The following ROBO2 variants were observed in gnomAD, a reference collection of about 807,000 sequenced individuals.
ROBO2 encodes the protein roundabout homolog 2.
Under a neutral mutation model 160.8 loss-of-function variants are expected in ROBO2, and 53 were observed. The ratio of observed to expected loss-of-function variants is 0.33; its 90% CI spans 0.26 to 0.41. ROBO2 has a LOEUF of 0.41. Among genes scored for constraint, ROBO2 ranks in the 10% least tolerant of loss-of-function variants. ROBO2 has a pLI of 1.00. For synonymous variants in ROBO2, 664 were observed against 611.7 expected, an observed-to-expected ratio of 1.09 and a Z score of -1.26; for missense variants, 1,577 against 1,722.4, an observed-to-expected ratio of 0.92 and a Z score of 1.49.
intron 19 of ROBO2, among the ~76,000 whole-genome samples, chr3:77,601,234 C>T (rs1040476853): frequency 6.6e-6 from 1 of 151,984 alleles, no homozygotes; most frequent in Non-Finnish European, 1.5e-5. Context: ...ATTTGATGGC[C>T]TCAAGTCCCA....
chr3:76,463,146 C>A (rs968241780), intron 2 of ROBO2, among the ~76,000 whole-genome samples: 1 of 152,080 alleles, frequency 6.6e-6, no homozygotes, highest in Non-Finnish European at 1.5e-5. Flanking sequence ...GTGAAAGCAC[C>A]TGAGGCTCAA....
chr3:77,113,547 A>G (rs1209485059), intron 2 of ROBO2, among the ~76,000 whole-genome samples: 1 of 152,160 alleles, frequency 6.6e-6, no homozygotes, highest in Non-Finnish European at 1.5e-5. Context: ...AAGCTTTACT[A>G]ATGAAGTACC....
At chr3:77,421,204 A>G (rs1024832518) in intron 2 of ROBO2, among the ~76,000 whole-genome samples, 1 of 152,186 alleles carries the variant, frequency 6.6e-6, no homozygotes, top group African/African-American at 2.4e-5. Flanking sequence ...GTGTCTGGAA[A>G]TGTCACAGGA....
intron 2 of ROBO2, among the ~76,000 whole-genome samples, chr3:76,663,759 G>A (rs2091915900): frequency 6.6e-6 from 1 of 152,032 alleles, no homozygotes; most frequent in Admixed American, 6.6e-5. Flanking sequence ...ATTGCAGTTT[G>A]AGTTAAGACA....
At chr3:76,908,820 T>C (rs1415225251) in intron 2 of ROBO2, among the ~76,000 whole-genome samples, 1 of 152,230 alleles carries the variant, frequency 6.6e-6, no homozygotes, top group Non-Finnish European at 1.5e-5. Context: ...GAATTATAAC[T>C]TTCAAAGTAG....
At chr3:76,029,231 A>C (rs2066839591) in intron 2 of ROBO2, among the ~76,000 whole-genome samples, 1 of 152,098 alleles carries the variant, frequency 6.6e-6, no homozygotes, top group Non-Finnish European at 1.5e-5. Context: ...GGAAGTTAAC[A>C]TGAAAAATTA....
At chr3:76,278,451 A>G (rs1394191252) in intron 2 of ROBO2, among the ~76,000 whole-genome samples, 3 of 152,022 alleles carry the variant, frequency 2.0e-5, no homozygotes, top group Non-Finnish European at 4.4e-5. Flanking sequence ...TGTTTCTGAA[A>G]CAAAATTTCA....
chr3:76,037,546 A>G (rs567336327), intron 2 of ROBO2, among the ~76,000 whole-genome samples: 7 of 151,892 alleles, frequency 4.6e-5, no homozygotes, highest in South Asian at 4.2e-4. Flanking sequence ...TCATTTTCCA[A>G]TCACTATTTA....
At chr3:76,775,211 A>G (rs886860071) in intron 2 of ROBO2, among the ~76,000 whole-genome samples, 1 of 150,650 alleles carries the variant, frequency 6.6e-6, no homozygotes, top group African/African-American at 2.4e-5. Flanking sequence ...ACCCCTACAT[A>G]CAGGAAAACA....
At chr3:76,840,220 G>A (rs992697068) in intron 2 of ROBO2, among the ~76,000 whole-genome samples, 6 of 148,198 alleles carry the variant, frequency 4.0e-5, no homozygotes, top group South Asian at 2.1e-4. Flanking sequence ...TTTTTTTTCC[G>A]ATTTTGGGTT....
intron 2 of ROBO2, among the ~76,000 whole-genome samples, chr3:77,197,685 G>T (rs181360740): frequency 4.6e-5 from 7 of 152,126 alleles, no homozygotes; most frequent in African/African-American, 1.7e-4. Flanking sequence ...ACAGAATAAA[G>T]GTCTCTAAAG....
chr3:76,640,596 A>AGT (rs59208285), intron 2 of ROBO2, among the ~76,000 whole-genome samples: 5,877 of 147,068 alleles, frequency 0.04, 330 homozygotes, highest in African/African-American at 0.13. Flanking sequence ...TTTGCGTGTG[A>AGT]GTGTGTGTGT....
intron 2 of ROBO2, among the ~76,000 whole-genome samples, chr3:76,681,827 A>T (rs2092571110): frequency 6.6e-6 from 1 of 152,186 alleles, no homozygotes; most frequent in Admixed American, 6.6e-5. Context: ...TTACTGTTGC[A>T]CCAACTTAAT....
chr3:77,594,972 C>G (rs1183677353), intron 17 of ROBO2, among the ~76,000 whole-genome samples, 170 bp from the exon 19 acceptor site: 1 of 152,060 alleles, frequency 6.6e-6, no homozygotes, highest in African/African-American at 2.4e-5. Flanking sequence ...ATGGCTTTGC[C>G]TTGGGCCAAA....
chr3:77,544,840 A>T (rs1226652608), intron 6 of ROBO2, among the ~76,000 whole-genome samples: 1 of 152,106 alleles, frequency 6.6e-6, no homozygotes, highest in African/African-American at 2.4e-5. Flanking sequence ...TAGAAAAGTC[A>T]TGGAATAAAC....
chr3:77,069,186 G>A (rs1224716985), intron 1 of ROBO2, among the ~76,000 whole-genome samples: 1 of 152,104 alleles, frequency 6.6e-6, no homozygotes, highest in Non-Finnish European at 1.5e-5. Context: ...CTTAATGTGT[G>A]CTCTCAGGCA....
intron 2 of ROBO2, among the ~76,000 whole-genome samples, chr3:76,784,596 G>A (rs1028861053): frequency 6.6e-6 from 1 of 151,146 alleles, no homozygotes; most frequent in Non-Finnish European, 1.5e-5. Context: ...TACCATGCAT[G>A]GAGATGCATA....
At chr3:76,009,910 T>G (rs2107606245) in intron 2 of ROBO2, among the ~76,000 whole-genome samples, 1 of 152,378 alleles carries the variant, frequency 6.6e-6, no homozygotes, top group East Asian at 1.9e-4. Context: ...ATTGGTAAAC[T>G]TAATTGATGA....
rs2076163810 is a variant in ROBO2, at chr3:76,425,207, T to G, written c.109+487605T>G. 2.6e-5 allele frequency among the ~76,000 whole-genome samples: 4 copies of G among 152,078 alleles called. No homozygotes were observed. The South Asian group carries it at 8.3e-4, about 32-fold the overall frequency. On this transcript the variant is annotated intron_variant, in intron 2 of 26. Transcript: ENST00000487694. ...ATAGGATTCTGCCTTTTTTTTTTCT[T>G]GATCACCACCCGTTTACATAGTTAA...
Sources: allele counts gnomAD v4.1 joint callset (sites outside exome capture counted in the v4.1 genomes callset), GRCh38; gene constraint gnomAD v4.1.1; transcripts MANE v1.5; gene names NCBI Gene and HGNC (gene_info 2026-07-23, HGNC 2026-07-21).